The following GRB14 variants were observed in gnomAD, a reference collection of about 807,000 sequenced individuals.
GRB14 encodes growth factor receptor-bound protein 14.
Under a neutral mutation model 69.1 loss-of-function variants are expected in GRB14, and 38 were observed. That is an observed-to-expected ratio of 0.55 (90% CI 0.42 to 0.72). The LOEUF (loss-of-function observed/expected upper bound fraction) is 0.72, where lower values mean the gene tolerates loss of function less well. GRB14 is among the 30% of genes least tolerant of loss of function. The probability of loss-of-function intolerance (pLI) is 0.00; values close to 1 mark genes in which losing one functional copy is unlikely to be tolerated. For synonymous variants in GRB14, 247 were observed against 241.3 expected, an observed-to-expected ratio of 1.02 and a Z score of -0.22; for missense variants, 666 against 666.1, an observed-to-expected ratio of 1.00 and a Z score of 0.00.
chr2:164,535,287 AAAAAAG>A (rs1371345575), intron 3 of GRB14, among the ~76,000 whole-genome samples: 3 of 152,278 alleles, frequency 2.0e-5, no homozygotes, highest in African/African-American at 4.8e-5. Context: ...TCTTTCTTTA[AAAAAAG>A]AAAAAGAAAA....
intron 2 of GRB14, among the ~76,000 whole-genome samples, chr2:164,548,946 C>T (rs543684787): frequency 3.3e-5 from 5 of 152,202 alleles, no homozygotes; most frequent in East Asian, 3.9e-4. Flanking sequence ...GGTGCGATTT[C>T]GGCTCACTGT....
Position 164,497,197 on chromosome 2 carries a change from A to G in GRB14, c.1294+14T>C, listed in dbSNP as rs1349236244. 3 of 1,609,634 alleles carry G rather than the reference A, an allele frequency of 1.9e-6. No individual in the cohort carries two copies. The highest frequency in any genetic ancestry group is 1.3e-5 in the African/African-American group (1 of 74,808). On this transcript the variant is annotated intron_variant, in intron 11 of 13. Transcript: ENST00000263915. ...ATCCGTCTACTCAGTGGCAATGACTATGAACAGACATACCCATGTTTGTGG... is the reference window on the plus strand; with the variant it reads ...ATCCGTCTACTCAGTGGCAATGACTGTGAACAGACATACCCATGTTTGTGG...
At chr2:164,618,617 C>G (rs183799539) in intron 2 of GRB14, among the ~76,000 whole-genome samples, 3 of 152,092 alleles carry the variant, frequency 2.0e-5, no homozygotes, top group Non-Finnish European at 2.9e-5. Flanking sequence ...CCCCTCCCCC[C>G]AAAAATATAT....
chr2:164,504,926 C>T (rs1024026047), intron 8 of GRB14, among the ~76,000 whole-genome samples: 7 of 152,130 alleles, frequency 4.6e-5, no homozygotes, highest in African/African-American at 1.7e-4. Flanking sequence ...GTGAGAAATA[C>T]TTGCTGTGAC....
chr2:164,527,632 G>T (rs1413213267), intron 3 of GRB14, among the ~76,000 whole-genome samples: 8 of 151,838 alleles, frequency 5.3e-5, no homozygotes, highest in Admixed American at 4.6e-4. Context: ...TAGCTGAGAA[G>T]AATTAAAATA....
chr2:164,588,104 A>C (rs1158703033), intron 2 of GRB14, among the ~76,000 whole-genome samples: 1 of 152,228 alleles, frequency 6.6e-6, no homozygotes, highest in African/African-American at 2.4e-5. Flanking sequence ...GTTAACAGAT[A>C]AATGTGTTTC....
intron 2 of GRB14, among the ~76,000 whole-genome samples, chr2:164,583,910 T>C (rs1689473517): frequency 1.3e-5 from 2 of 152,122 alleles, no homozygotes; most frequent in African/African-American, 4.8e-5. Flanking sequence ...TTTTGTCTTC[T>C]TGACACAATT....
chr2:164,621,336 C>A lies in GRB14; in HGVS notation c.-27G>T, dbSNP rs958266522. On this transcript the variant is annotated 5_prime_UTR_variant, in exon 1 of 14. An upstream start codon of the reference 5' UTR is lost. Coordinates refer to ENST00000263915, the MANE Select transcript of GRB14 (RefSeq NM_004490.3). This position sits in a 1 kb window ranked among gnomAD's most constrained non-coding sequence, Gnocchi z 6.0. ...GTCGCCGGCCGGGGGGCTCGGGCGT[C>A]ATGGGAGACTCGGCGCGTGGGGAGA... The A allele has an allele frequency of 1.6e-6, 2 of 1,277,358 alleles. No homozygotes were observed. 79.1% of individuals were successfully genotyped at this position (1,277,358 alleles called of 1,614,324 possible).
At position 164,577,921 on chromosome 2, in the gene GRB14, T is replaced by A. The variant is rs1255614195; in HGVS notation, c.325-30105A>T. On this transcript the variant is annotated intron_variant, in intron 2 of 13. Coordinates refer to ENST00000263915, the MANE Select transcript of GRB14 (RefSeq NM_004490.3). ...TAAAAAATTAATTAGTTTATAAATA[T>A]GTTAGAAGAAATAACTCAAGAATGC... is the stretch of plus-strand genomic sequence containing the variant. Among the ~76,000 whole-genome samples, 4 of 152,306 alleles carry A rather than the reference T, an allele frequency of 2.6e-5. No individual in the cohort carries two copies. The East Asian group carries it at 5.8e-4, about 22-fold the overall frequency.
intron 2 of GRB14, among the ~76,000 whole-genome samples, chr2:164,573,118 G>A (rs908900787): frequency 6.6e-6 from 1 of 152,126 alleles, no homozygotes; most frequent in African/African-American, 2.4e-5. Flanking sequence ...TTTCTTGCCT[G>A]AGACTTACTA....
At chr2:164,619,571 A>G in intron 2 of GRB14, 116 bp downstream of exon 2, 1 of 669,214 alleles carries the variant, frequency 1.5e-6, no homozygotes, top group Non-Finnish European at 2.5e-6. Context: ...CAACAGAGTT[A>G]TTTAACAGAG....
At chr2:164,546,246 G>A (rs954791605) in intron 3 of GRB14, among the ~76,000 whole-genome samples, 1 of 152,010 alleles carries the variant, frequency 6.6e-6, no homozygotes, top group Non-Finnish European at 1.5e-5. Flanking sequence ...TCTACTTTGC[G>A]CTACTTTCTT....
intron 2 of GRB14, among the ~76,000 whole-genome samples, chr2:164,584,147 ATTTTTT>A (rs55883951): frequency 6.0e-5 from 3 of 49,896 alleles, no homozygotes; most frequent in African/African-American, 2.6e-4. Context: ...CAGCCTGGCT[ATTTTTT>A]TTTTTTTTTT....
At chr2:164,543,069 G>GA (rs1305655899) in intron 3 of GRB14, among the ~76,000 whole-genome samples, 9 of 152,048 alleles carry the variant, frequency 5.9e-5, no homozygotes, top group Non-Finnish European at 1.3e-4. Flanking sequence ...AAGGTGGGTG[G>GA]ATCACCTGAC....
intron 2 of GRB14, among the ~76,000 whole-genome samples, chr2:164,587,949 T>A (rs1168030827): frequency 6.6e-6 from 1 of 152,194 alleles, no homozygotes; most frequent in Non-Finnish European, 1.5e-5. Context: ...TTTGCCATGA[T>A]AATTTCTGAA....
chr2:164,594,554 AT>A, intron 2 of GRB14, among the ~76,000 whole-genome samples: 1 of 152,284 alleles, frequency 6.6e-6, no homozygotes, highest in African/African-American at 2.4e-5. Context: ...CAGAGGTTGT[AT>A]GTAATTATTT....
At chr2:164,614,145 C>T (rs1690229700) in intron 2 of GRB14, among the ~76,000 whole-genome samples, 3 of 152,096 alleles carry the variant, frequency 2.0e-5, no homozygotes, top group East Asian at 1.9e-4. Context: ...AAGATCTGCA[C>T]GCTTTCAAAT....
chr2:164,619,982 C>G, intron 1 of GRB14, 163 bp from the exon 2 acceptor site: 1 of 495,944 alleles, frequency 2.0e-6, no homozygotes. Flanking sequence ...TTCTATGGGT[C>G]AAAATACAGT....
chr2:164,556,307 A>G (rs1031987025), intron 2 of GRB14, among the ~76,000 whole-genome samples: 17 of 152,228 alleles, frequency 1.1e-4, no homozygotes, highest in Non-Finnish European at 2.1e-4. Flanking sequence ...AACAGTATAT[A>G]GTTTTGAGAA....
Sources: allele counts gnomAD v4.1 joint callset (sites outside exome capture counted in the v4.1 genomes callset), GRCh38; gene constraint gnomAD v4.1.1; non-coding constraint Gnocchi (gnomAD v3.1); transcripts MANE v1.5; gene names NCBI Gene and HGNC (gene_info 2026-07-23, HGNC 2026-07-21).